TET2: variants seen among roughly 807,000 people sequenced by gnomAD.
TET2 encodes tet methylcytosine dioxygenase 2.
A neutral mutation model predicts 142.9 loss-of-function variants in TET2; 299 were observed. The observed-to-expected ratio is 2.09, with a 90% CI of 1.90 to 2.30. TET2 has a LOEUF of 2.30. Among genes scored for constraint, TET2 ranks in the 30% most tolerant of loss-of-function variants. The probability of loss-of-function intolerance (pLI) is 0.00; values close to 1 mark genes in which losing one functional copy is unlikely to be tolerated. For missense variants in TET2, 2,418 were observed against 2,378.0 expected (o/e 1.02, Z -0.35); for synonymous variants, 819 against 849.0 (o/e 0.96, Z 0.61).
intron 10 of TET2, 31 bp downstream of exon 10, chr4:105,272,949 ATGTGT>A: frequency 6.8e-7 from 1 of 1,470,214 alleles, no homozygotes; most frequent in South Asian, 1.4e-5. Context: ...TTGTAGATAA[ATGTGT>A]TGTGTGGTAT....
At chr4:105,171,989 C>T (rs1724494540) in intron 1 of TET2, among the ~76,000 whole-genome samples, 1 of 152,082 alleles carries the variant, frequency 6.6e-6, no homozygotes, top group African/African-American at 2.4e-5. Flanking sequence ...TAGATTATAT[C>T]CTTGGTTTTT....
chr4:105,194,776 C>T (rs1725983838), intron 2 of TET2, among the ~76,000 whole-genome samples: 1 of 152,064 alleles, frequency 6.6e-6, no homozygotes, highest in African/African-American at 2.4e-5. Context: ...ATATAATTAC[C>T]TAGCAAGTGA....
rs574517952 is a variant in TET2 at position 105,177,061 on chromosome 4, TACA to T, written c.-192-13291_-192-13289del. 5.3e-5 allele frequency among the ~76,000 whole-genome samples: 8 copies of T among 152,284 alleles called. No homozygotes were observed. The East Asian group carries it at 1.5e-3, about 29-fold the overall frequency. ...ATGCTGGAAAAACTACACATTAACA[TACA>T]ACAACAAAAATTTTTTAAATCCAAA... On this transcript the variant is annotated intron_variant, in intron 1 of 10. Coordinates refer to ENST00000380013, the MANE Select transcript of TET2 (RefSeq NM_001127208.3).
At chr4:105,197,283 G>T (rs982350043) in intron 2 of TET2, among the ~76,000 whole-genome samples, 2 of 152,172 alleles carry the variant, frequency 1.3e-5, no homozygotes, top group Non-Finnish European at 2.9e-5. Flanking sequence ...TTTGAGAGCT[G>T]TTGTGAATGA....
chr4:105,209,213 G>C (rs1042171191), intron 2 of TET2, among the ~76,000 whole-genome samples: 2 of 150,578 alleles, frequency 1.3e-5, no homozygotes, highest in African/African-American at 4.9e-5. Context: ...TATTCAACCA[G>C]GCTCACTAAG....
At chr4:105,231,509 A>G (rs995871152) in intron 2 of TET2, among the ~76,000 whole-genome samples, 1 of 152,178 alleles carries the variant, frequency 6.6e-6, no homozygotes, top group Non-Finnish European at 1.5e-5. Flanking sequence ...TCAAGGCTAT[A>G]AATTTTTCTT....
intron 6 of TET2, among the ~76,000 whole-genome samples, chr4:105,248,713 C>T (rs1258999976): frequency 2.0e-5 from 3 of 152,132 alleles, no homozygotes; most frequent in Non-Finnish European, 2.9e-5. Context: ...TGTTTCAGTA[C>T]ATTCACAAAG....
chr4:105,229,969 T>C (rs1313601374), intron 2 of TET2, among the ~76,000 whole-genome samples: 2 of 152,134 alleles, frequency 1.3e-5, no homozygotes, highest in Non-Finnish European at 2.9e-5. Flanking sequence ...ATGTAGGTTG[T>C]TTCTAACCTT....
rs1216892234 is a variant in TET2 at position 105,194,518 on chromosome 4, A to G, written c.-47+4013A>G. 2.0e-5 allele frequency among the ~76,000 whole-genome samples: 3 copies of G among 152,160 alleles called. No homozygotes were observed. The East Asian group carries it at 5.8e-4, about 29-fold the overall frequency. On this transcript the variant is annotated intron_variant, in intron 2 of 10. Transcript: ENST00000380013. ...TCACACTCTTTGCTTGATTTTCCTG[A>G]TCTGGCTACTGATTTCTCTTCAAAT...
intron 7 of TET2, among the ~76,000 whole-genome samples, chr4:105,261,052 G>A (rs1730398170): frequency 6.6e-6 from 1 of 151,928 alleles, no homozygotes. Context: ...ATCTCTGCCA[G>A]GTGGTTATGT....
At chr4:105,171,612 T>C (rs1724471692) in intron 1 of TET2, 1 of 152,184 alleles carries the variant, frequency 6.6e-6, no homozygotes. Context: ...AATCCTTAAA[T>C]TCTGTATTGA....
intron 6 of TET2, among the ~76,000 whole-genome samples, chr4:105,253,254 CT>C (rs1158352421): frequency 6.6e-6 from 1 of 152,152 alleles, no homozygotes; most frequent in Non-Finnish European, 1.5e-5. Context: ...ATAGATTGCA[CT>C]GCATTTCTAG....
chr4:105,225,185 C>CGTGTGTGTGTGTGTGTGT (rs79864807), intron 2 of TET2, among the ~76,000 whole-genome samples: 4,718 of 147,158 alleles, frequency 0.032, 233 homozygotes, highest in African/African-American at 0.096. Context: ...AGTAAAAAAT[C>CGTGTGTGTGTGTGTGTGT]GTGTGTGTGT....
At chr4:105,175,178 A>G (rs1010124514) in intron 1 of TET2, among the ~76,000 whole-genome samples, 4 of 152,198 alleles carry the variant, frequency 2.6e-5, no homozygotes, top group Admixed American at 1.3e-4. Flanking sequence ...CATTCAACCA[A>G]AAAATTATAA....
chr4:105,216,154 T>C (rs915065218), intron 2 of TET2, among the ~76,000 whole-genome samples: 1 of 151,996 alleles, frequency 6.6e-6, no homozygotes, highest in African/African-American at 2.4e-5. Context: ...ATACTTGGAG[T>C]TTGGCTAGTA....
intron 6 of TET2, among the ~76,000 whole-genome samples, chr4:105,255,254 C>G (rs1293541235): frequency 6.6e-6 from 1 of 152,160 alleles, no homozygotes; most frequent in African/African-American, 2.4e-5. Flanking sequence ...TAATTTCTAT[C>G]ATGTTTTTTT....
intron 2 of TET2, among the ~76,000 whole-genome samples, chr4:105,199,469 T>C (rs534684027): frequency 3.3e-5 from 5 of 152,338 alleles, no homozygotes; most frequent in Admixed American, 2.0e-4. Context: ...AATTTCCATC[T>C]TGTTTCTTCA....
At chr4:105,196,371 A>G (rs574615921) in intron 2 of TET2, among the ~76,000 whole-genome samples, 11 of 152,272 alleles carry the variant, frequency 7.2e-5, no homozygotes, top group Admixed American at 2.0e-4. Flanking sequence ...TAATGCAAAA[A>G]TAGATGTGAT....
intron 2 of TET2, among the ~76,000 whole-genome samples, chr4:105,221,450 A>G (rs916269213): frequency 1.3e-5 from 2 of 152,242 alleles, no homozygotes; most frequent in East Asian, 3.9e-4. Flanking sequence ...AATAATCTAT[A>G]TATTATTAAA....
Sources: allele counts gnomAD v4.1 joint callset (sites outside exome capture counted in the v4.1 genomes callset), GRCh38; gene constraint gnomAD v4.1.1; transcripts MANE v1.5; gene names NCBI Gene and HGNC (gene_info 2026-07-23, HGNC 2026-07-21).